Variants in C8orf34 observed in about 807,000 individuals in gnomAD.
C8orf34 encodes uncharacterized protein C8orf34.
Under a neutral mutation model 68.3 loss-of-function variants are expected in C8orf34, and 65 were observed. That is an observed-to-expected ratio of 0.95 (90% CI 0.78 to 1.17). C8orf34 has a LOEUF of 1.17. C8orf34 is among the 50% of genes most tolerant of loss of function. C8orf34 has a pLI of 0.00. For missense variants in C8orf34, 664 were observed against 655.4 expected (o/e 1.01, Z -0.14); for synonymous variants, 244 against 241.2 (o/e 1.01, Z -0.11).
At chr8:68,557,515 A>G (rs1212395833) in intron 7 of C8orf34, among the ~76,000 whole-genome samples, 1 of 152,174 alleles carries the variant, frequency 6.6e-6, no homozygotes, top group African/African-American at 2.4e-5. Flanking sequence ...CAAAACCATT[A>G]TTATATTTCA....
intron 1 of C8orf34, among the ~76,000 whole-genome samples, chr8:68,425,764 T>A (rs1810184870): frequency 6.6e-6 from 1 of 151,034 alleles, no homozygotes; most frequent in Non-Finnish European, 1.5e-5. Flanking sequence ...AAACCACTCT[T>A]CCTGATTTCA....
chr8:68,787,667 A>G, intron 12 of C8orf34, 131 bp downstream of exon 12: 2 of 557,978 alleles, frequency 3.6e-6, no homozygotes, highest in Non-Finnish European at 3.2e-6. Flanking sequence ...TAGGAAGAAC[A>G]TGTAAAGACA....
chr8:68,331,921 C>A (rs1805627627), intron 1 of C8orf34, among the ~76,000 whole-genome samples: 1 of 146,326 alleles, frequency 6.8e-6, no homozygotes, highest in East Asian at 2.1e-4. Flanking sequence ...TCGGTGCGGG[C>A]GTGATGAATG....
intron 9 of C8orf34, among the ~76,000 whole-genome samples, chr8:68,709,685 C>T (rs1400830636): frequency 6.6e-6 from 1 of 152,098 alleles, no homozygotes; most frequent in African/African-American, 2.4e-5. Context: ...CTTCTTGGCC[C>T]TCCTCGGACT....
At chr8:68,500,047 C>T (rs1413960334) in intron 5 of C8orf34, among the ~76,000 whole-genome samples, 1 of 152,178 alleles carries the variant, frequency 6.6e-6, no homozygotes, top group Non-Finnish European at 1.5e-5. Context: ...GAAATGGTGG[C>T]TCTGCATAGC....
intron 4 of C8orf34, among the ~76,000 whole-genome samples, chr8:68,486,474 C>A (rs540219971): frequency 9.2e-5 from 14 of 152,054 alleles, no homozygotes; most frequent in Non-Finnish European, 2.1e-4. Flanking sequence ...TCTTAGTTAC[C>A]AATGACTTCT....
At chr8:68,726,075 A>C (rs977172788) in intron 10 of C8orf34, among the ~76,000 whole-genome samples, 2 of 151,986 alleles carry the variant, frequency 1.3e-5, no homozygotes, top group Non-Finnish European at 2.9e-5. Flanking sequence ...CACCCAGCTA[A>C]TTTTTGTATT....
chr8:68,359,286 CCTGAGCAACCCATTCAATTTT>C (rs1022233986), intron 1 of C8orf34, among the ~76,000 whole-genome samples: 6 of 152,132 alleles, frequency 3.9e-5, no homozygotes, highest in Admixed American at 6.6e-5. Flanking sequence ...TATTTATGCT[CCTGAGCAACCCATTCAATTTT>C]CCAAGCTGCC....
chr8:68,794,070 T>C (rs893359054), intron 12 of C8orf34, among the ~76,000 whole-genome samples: 1 of 152,164 alleles, frequency 6.6e-6, no homozygotes, highest in Non-Finnish European at 1.5e-5. Context: ...TTTAAACTTA[T>C]AGGTGCATGC....
chr8:68,581,729 G>A (rs2130351900), intron 7 of C8orf34, among the ~76,000 whole-genome samples: 1 of 152,240 alleles, frequency 6.6e-6, no homozygotes, highest in South Asian at 2.1e-4. Flanking sequence ...GCAGGCAGTG[G>A]AGTACAGCCA....
At chr8:68,777,978 T>C (rs1823569965) in intron 11 of C8orf34, among the ~76,000 whole-genome samples, 1 of 152,188 alleles carries the variant, frequency 6.6e-6, no homozygotes, top group East Asian at 1.9e-4. Context: ...TACTTTCATT[T>C]ATTATTGACT....
chr8:68,789,555 C>A (rs536867395), intron 12 of C8orf34, among the ~76,000 whole-genome samples: 1 of 152,116 alleles, frequency 6.6e-6, no homozygotes, highest in Non-Finnish European at 1.5e-5. Context: ...TGCCTTTCTG[C>A]TTATATTTTT....
At chr8:68,607,031 A>AT (rs550750722) in intron 7 of C8orf34, among the ~76,000 whole-genome samples, 23 of 152,210 alleles carry the variant, frequency 1.5e-4, no homozygotes, top group African/African-American at 5.3e-4. Flanking sequence ...GATGTTTACC[A>AT]TTTGTGAGTG....
intron 7 of C8orf34, among the ~76,000 whole-genome samples, chr8:68,558,541 A>G (rs529737911): frequency 6.6e-6 from 1 of 152,194 alleles, no homozygotes; most frequent in South Asian, 2.1e-4. Flanking sequence ...AGAAATGTCT[A>G]TAATTGTTAG....
At chr8:68,526,892 CAGG>C (rs1263780999) in intron 6 of C8orf34, among the ~76,000 whole-genome samples, 1 of 152,128 alleles carries the variant, frequency 6.6e-6, no homozygotes, top group Non-Finnish European at 1.5e-5. Flanking sequence ...AGACAGGAGT[CAGG>C]AGGAGGAGGG....
At chr8:68,576,654 T>C (rs1408128640) in intron 7 of C8orf34, among the ~76,000 whole-genome samples, 2 of 152,090 alleles carry the variant, frequency 1.3e-5, no homozygotes. Flanking sequence ...AATGCATTGC[T>C]CCTTGGAATT....
At chr8:68,709,752 C>T (rs1272903027) in intron 9 of C8orf34, among the ~76,000 whole-genome samples, 1 of 152,084 alleles carries the variant, frequency 6.6e-6, no homozygotes, top group African/African-American at 2.4e-5. Flanking sequence ...TATTTAATTT[C>T]CATTTTCTAT....
At chr8:68,673,904 C>A (rs909656374) in intron 8 of C8orf34, among the ~76,000 whole-genome samples, 4 of 152,148 alleles carry the variant, frequency 2.6e-5, no homozygotes, top group East Asian at 1.9e-4. Flanking sequence ...TTGTGTTACT[C>A]CTCCCCCAGC....
rs149954767 is a variant in C8orf34 at position 68,668,744 on chromosome 8, G to T, written c.1241+28233G>T. ...AATAGAGAGCATTCTCCTGTTGATGGGCAGAGAGGAAGGCAGAGAAGGGCT... is the reference window on the plus strand; with the variant it reads ...AATAGAGAGCATTCTCCTGTTGATGTGCAGAGAGGAAGGCAGAGAAGGGCT... On this transcript the variant is annotated intron_variant, in intron 8 of 13. Coordinates refer to ENST00000518698, the MANE Select transcript of C8orf34 (RefSeq NM_052958.4). Among the ~76,000 whole-genome samples, 818 of 152,268 alleles carry T rather than the reference G, an allele frequency of 5.4e-3. 7 individuals carry two copies. The highest frequency in any genetic ancestry group is 0.019 in the African/African-American group (795 of 41,562).
Sources: gnomAD v4.1 joint callset for allele counts (sites outside exome capture counted in the v4.1 genomes callset) on GRCh38, gnomAD v4.1.1 for gene constraint, MANE v1.5 for transcripts, NCBI Gene and HGNC (gene_info 2026-07-23, HGNC 2026-07-21) for gene names.